The following ARMH3 variants were observed in gnomAD, a reference collection of about 807,000 sequenced individuals.
ARMH3 encodes armadillo like helical domain containing 3, also known as armadillo-like helical domain-containing protein 3.
In ARMH3, 60 loss-of-function variants were observed where a neutral mutation model predicts 99.1. That is an observed-to-expected ratio of 0.61 (90% CI 0.49 to 0.75). The LOEUF (loss-of-function observed/expected upper bound fraction) is 0.75. ARMH3 is among the 30% of genes least tolerant of loss of function. ARMH3 has a pLI of 0.00. For synonymous variants in ARMH3, 285 were observed against 292.8 expected (o/e 0.97, Z 0.27); for missense variants, 679 against 843.1 (o/e 0.81, Z 2.41).
chr10:101,930,067 T>C (rs1843657435), intron 23 of ARMH3, among the ~76,000 whole-genome samples: 1 of 152,186 alleles, frequency 6.6e-6, no homozygotes, highest in Admixed American at 6.5e-5. Context: ...AGATCTGAGA[T>C]GCTCATCCTG....
chr10:101,886,335 G>A (rs886930551), intron 24 of ARMH3, among the ~76,000 whole-genome samples: 13 of 139,988 alleles, frequency 9.3e-5, no homozygotes, highest in Non-Finnish European at 1.3e-4. Flanking sequence ...CAAACATGGC[G>A]AAACCCTACT....
At chr10:102,013,856 G>A (rs1480815825) in intron 9 of ARMH3, 112 bp downstream of exon 9, 15 of 867,006 alleles carry the variant, frequency 1.7e-5, no homozygotes, top group East Asian at 1.0e-4. Context: ...CTCTATAACC[G>A]GATGAAATTG....
chr10:101,863,961 T>A (rs1203862266), intron 24 of ARMH3, among the ~76,000 whole-genome samples: 1 of 150,680 alleles, frequency 6.6e-6, no homozygotes, highest in African/African-American at 2.4e-5. Flanking sequence ...CCCAGGAGGC[T>A]GAGGCAGGAG....
chr10:102,029,612 A>G, intron 5 of ARMH3, 26 bp downstream of exon 5: 5 of 1,614,242 alleles, frequency 3.1e-6, no homozygotes, highest in Middle Eastern at 1.6e-4. Flanking sequence ...TGCCATCCAC[A>G]GGCACATCTG....
intron 1 of ARMH3, among the ~76,000 whole-genome samples, chr10:102,055,352 G>C (rs2067819210): frequency 6.6e-6 from 1 of 152,084 alleles, no homozygotes; most frequent in African/African-American, 2.4e-5. Flanking sequence ...ACTTTCTGGA[G>C]AGGAAGAACT....
At chr10:101,916,561 T>C (rs2135576185) in intron 23 of ARMH3, among the ~76,000 whole-genome samples, 1 of 152,376 alleles carries the variant, frequency 6.6e-6, no homozygotes, top group Admixed American at 6.5e-5. Context: ...CTATTCTTTT[T>C]CTGATTTTTA....
chr10:101,934,325 G>A (rs753723853), intron 23 of ARMH3, among the ~76,000 whole-genome samples: 1 of 152,148 alleles, frequency 6.6e-6, no homozygotes, highest in Non-Finnish European at 1.5e-5. Flanking sequence ...AGAAGGGTGG[G>A]TGAGGGGACC....
chr10:102,006,782 G>T, intron 13 of ARMH3, 149 bp from the exon 14 acceptor site: 1 of 624,968 alleles, frequency 1.6e-6, no homozygotes, highest in Non-Finnish European at 2.7e-6. Flanking sequence ...AGCTGGTCTC[G>T]AAATCCTAGG....
intron 24 of ARMH3, among the ~76,000 whole-genome samples, chr10:101,857,657 A>C (rs1361339534): frequency 6.6e-6 from 1 of 152,158 alleles, no homozygotes; most frequent in Non-Finnish European, 1.5e-5. Flanking sequence ...TCTTTCTAAT[A>C]CCCAGCAAAT....
At chr10:101,949,072 G>A (rs985559066) in intron 22 of ARMH3, among the ~76,000 whole-genome samples, 29 of 151,948 alleles carry the variant, frequency 1.9e-4, no homozygotes, top group African/African-American at 6.8e-4. Context: ...ACAAAAAAAT[G>A]TATGAGCTGC....
At chr10:101,891,205 T>A (rs1171235491) in intron 23 of ARMH3, among the ~76,000 whole-genome samples, 2 of 151,916 alleles carry the variant, frequency 1.3e-5, no homozygotes, top group Non-Finnish European at 2.9e-5. Flanking sequence ...TCTTCCTTTT[T>A]TTTTTTTGAG....
intron 22 of ARMH3, among the ~76,000 whole-genome samples, chr10:101,951,854 C>T (rs1393884907): frequency 1.5e-5 from 2 of 134,712 alleles, no homozygotes; most frequent in South Asian, 2.3e-4. Flanking sequence ...GGCCACAGAG[C>T]GAGACTCCGT....
At chr10:102,051,405 G>A (rs1175389614) in intron 1 of ARMH3, among the ~76,000 whole-genome samples, 4 of 151,452 alleles carry the variant, frequency 2.6e-5, no homozygotes, top group South Asian at 2.1e-4. Flanking sequence ...CCCAAGAGGC[G>A]GAAGTTGCAG....
intron 24 of ARMH3, among the ~76,000 whole-genome samples, chr10:101,874,467 T>C (rs893207410): frequency 6.6e-5 from 10 of 152,154 alleles, no homozygotes; most frequent in African/African-American, 2.4e-4. Flanking sequence ...CATTGTGCTC[T>C]TCCCCACCAC....
chr10:101,922,328 G>C (rs1170036340), intron 23 of ARMH3, among the ~76,000 whole-genome samples: 1 of 152,022 alleles, frequency 6.6e-6, no homozygotes, highest in East Asian at 1.9e-4. Flanking sequence ...TTGCAGCCTC[G>C]ATCTCCTGGG....
chr10:101,993,003 G>C (rs1846872659), intron 17 of ARMH3, among the ~76,000 whole-genome samples: 1 of 151,922 alleles, frequency 6.6e-6, no homozygotes, highest in African/African-American at 2.4e-5. Context: ...AGGCGCGGTG[G>C]CTCACACCTG....
At chr10:101,911,264 G>A (rs1842853288) in intron 23 of ARMH3, among the ~76,000 whole-genome samples, 1 of 152,154 alleles carries the variant, frequency 6.6e-6, no homozygotes, top group Non-Finnish European at 1.5e-5. Context: ...CTGTCAATGG[G>A]TGCCAGGCTG....
At chr10:102,014,999 ACAG>A (rs1307787325) in intron 8 of ARMH3, among the ~76,000 whole-genome samples, 1 of 152,194 alleles carries the variant, frequency 6.6e-6, no homozygotes, top group Admixed American at 6.5e-5. Context: ...CATTCCCCAC[ACAG>A]ACCTATTTAA....
chr10:102,042,716 A>G, intron 1 of ARMH3, among the ~76,000 whole-genome samples: 1 of 152,198 alleles, frequency 6.6e-6, no homozygotes, highest in Non-Finnish European at 1.5e-5. Flanking sequence ...TGGGAGAACT[A>G]CAGAACTCTA....
Sources: allele counts gnomAD v4.1 joint callset (sites outside exome capture counted in the v4.1 genomes callset), GRCh38; gene constraint gnomAD v4.1.1; transcripts MANE v1.5; gene names NCBI Gene and HGNC (gene_info 2026-07-23, HGNC 2026-07-21).